The following ZNF33B variants were observed in gnomAD, a reference collection of about 807,000 sequenced individuals.
ZNF33B encodes the protein zinc finger protein 33B.
A neutral mutation model predicts 45.8 loss-of-function variants in ZNF33B; 29 were observed. That is an observed-to-expected ratio of 0.63 (90% CI 0.47 to 0.86). ZNF33B has a LOEUF of 0.86. Ranked by LOEUF, ZNF33B falls within the 40% of genes least tolerant of loss-of-function variation. The pLI is 0.00. For synonymous variants in ZNF33B, 305 were observed against 307.8 expected (o/e 0.99, Z 0.10); for missense variants, 831 against 909.9 (o/e 0.91, Z 1.12).
intron 4 of ZNF33B, among the ~76,000 whole-genome samples, chr10:42,620,310 A>G (rs1310195402): frequency 6.6e-6 from 1 of 152,154 alleles, no homozygotes; most frequent in African/African-American, 2.4e-5. Flanking sequence ...ACAAAATGCA[A>G]TATGGCAGAA....
chr10:42,581,183 C>T (rs1836816918), intron 1 of ZNF33B, among the ~76,000 whole-genome samples: 1 of 151,978 alleles, frequency 6.6e-6, no homozygotes, highest in African/African-American at 2.4e-5. Context: ...ACATCAAATC[C>T]AAGAATGAAA....
rs1837128907 is a variant in ZNF33B, at chr10:42,591,665, T to G, written c.*948A>C. On this transcript the variant is annotated 3_prime_UTR_variant, in exon 5 of 5. Transcript: ENST00000359467. The stretch of plus-strand genomic sequence containing the variant: ...TTGTACATATGTAAGTCCTATGAAC[T>G]TCAGGGATAATTCACAGATGTGCTT... 3 of 330,996 alleles carry G rather than the reference T, an allele frequency of 9.1e-6. No individual in the cohort carries two copies. Among genetic ancestry groups the G allele is most frequent in the Non-Finnish European group, 1.3e-5 (3 of 231,614 alleles). 20.5% of individuals were successfully genotyped at this position (330,996 alleles called of 1,614,324 possible).
intron 4 of ZNF33B, among the ~76,000 whole-genome samples, chr10:42,597,695 G>C (rs1837459662): frequency 6.6e-6 from 1 of 152,006 alleles, no homozygotes; most frequent in Non-Finnish European, 1.5e-5. Flanking sequence ...GACAATATGG[G>C]CTAAATTTCT....
At position 42,591,685 on chromosome 10, in the gene ZNF33B, G is replaced by T; in HGVS notation, c.*928C>A. On this transcript the variant is annotated 3_prime_UTR_variant, in exon 5 of 5. Coordinates refer to ENST00000359467, the MANE Select transcript of ZNF33B (RefSeq NM_006955.3). ...TGAACTTCAGGGATAATTCACAGAT[G>T]TGCTTAATGCTGTTGCCCTGATTAT... The T allele has an allele frequency of 3.5e-6, 1 of 289,330 alleles. No individual in the cohort carries two copies. The highest frequency in any genetic ancestry group is 5.2e-6 in the Non-Finnish European group (1 of 193,502). The allele number at this position is 289,330 out of a possible 1,614,324, so 17.9% of individuals were successfully genotyped here.
rs1837291108 is a variant in ZNF33B, at chr10:42,594,207, T to A, written c.743A>T (p.Asp248Val). 5 of 1,613,616 alleles carry A rather than the reference T, an allele frequency of 3.1e-6. No individual in the cohort carries two copies. The South Asian group carries it at 5.5e-5, about 18-fold the overall frequency. ...KRENAEENNC[D>V]YNEFGRTFCD... ...GAAAGTTCTCCCAAATTCATTATAG[T>A]CACAGTTATTCTCTTCTGCATTCTC... The change falls in exon 5 of 5, where the codon GAC becomes GTC. Residue 248 changes from aspartate (D) to valine (V), a missense_variant. By Grantham distance (152) the Asp-to-Val change is radical. Transcript: ENST00000359467.
intron 1 of ZNF33B, among the ~76,000 whole-genome samples, chr10:42,574,970 T>C (rs902525402): frequency 5.3e-5 from 8 of 152,142 alleles, no homozygotes; most frequent in African/African-American, 1.9e-4. Flanking sequence ...AAACTGTCAG[T>C]TGGTAAGAGA....
chr10:42,603,517 C>A (rs752689912), intron 4 of ZNF33B, among the ~76,000 whole-genome samples: 9 of 152,154 alleles, frequency 5.9e-5, no homozygotes, highest in Non-Finnish European at 1.0e-4. Flanking sequence ...AACACTCATA[C>A]AAATACATAC....
In ZNF33B at chr10:42,594,422, C is replaced by T. The variant is rs1302919995; in HGVS notation, c.528G>A (p.Leu176=). Residue 176 remains leucine (L), a synonymous_variant, in exon 5 of 5, where the codon TTG becomes TTA. Coordinates refer to ENST00000359467, the MANE Select transcript of ZNF33B (RefSeq NM_006955.3). ...KSDEFNACGK[L]LLNIKHDETH... is the part of the protein sequence containing the mutation. ...TTTCATCATGCTTAATATTGAGTAA[C>T]AATTTCCCACATGCATTAAATTCGT... The T allele has an allele frequency of 6.2e-7, 1 of 1,613,420 alleles. No individual in the cohort carries two copies. Among genetic ancestry groups the T allele is most frequent in the African/African-American group, 1.3e-5 (1 of 74,864 alleles).
intron 4 of ZNF33B, among the ~76,000 whole-genome samples, chr10:42,615,428 G>A (rs1475956483): frequency 6.6e-6 from 1 of 152,166 alleles, no homozygotes; most frequent in African/African-American, 2.4e-5. Context: ...CAACATGGAT[G>A]AACCTTGAAT....
intron 4 of ZNF33B, among the ~76,000 whole-genome samples, chr10:42,598,126 T>C (rs1837474949): frequency 1.3e-5 from 2 of 151,086 alleles, no homozygotes; most frequent in Non-Finnish European, 3.0e-5. Context: ...GCAGCAGTTC[T>C]TAACACCAGA....
At chr10:42,584,782 A>T (rs1836897663), downstream of ZNF33B, among the ~76,000 whole-genome samples, 1 of 152,084 alleles carries the variant, frequency 6.6e-6, no homozygotes. Flanking sequence ...TGGCCTCCCA[A>T]AGTGCTGGGA....
intron 4 of ZNF33B, among the ~76,000 whole-genome samples, chr10:42,600,162 T>A (rs1837559758): frequency 6.6e-6 from 1 of 152,140 alleles, no homozygotes; most frequent in Non-Finnish European, 1.5e-5. Context: ...GAATGTATAT[T>A]CCACTGTTTT....
chr10:42,613,985 AC>A (rs1838206995), intron 4 of ZNF33B, among the ~76,000 whole-genome samples: 1 of 152,346 alleles, frequency 6.6e-6, no homozygotes, highest in African/African-American at 2.4e-5. Context: ...AACAACAGCA[AC>A]AAAATTCATA....
At chr10:42,606,481 G>A (rs992182449) in intron 4 of ZNF33B, among the ~76,000 whole-genome samples, 7 of 152,000 alleles carry the variant, frequency 4.6e-5, no homozygotes, top group Admixed American at 6.6e-5. Context: ...AAAAAAAATA[G>A]GTACAGATCT....
chr10:42,608,730 AG>A (rs1339017394), intron 4 of ZNF33B, among the ~76,000 whole-genome samples: 1 of 152,140 alleles, frequency 6.6e-6, no homozygotes, highest in African/African-American at 2.4e-5. Context: ...AACACTGGAC[AG>A]GAGCAGCAAT....
Position 42,632,864 on chromosome 10 carries a change from G to A in ZNF33B, c.10-425C>T, listed in dbSNP as rs549165769. 5 of 186,232 alleles carry A rather than the reference G, an allele frequency of 2.7e-5. No homozygotes were observed. The South Asian group carries it at 5.4e-4, about 20-fold the overall frequency. 11.5% of individuals were successfully genotyped at this position (186,232 alleles called of 1,614,324 possible). ...ACTCTATTACGTCCTTCATAAGCAC[G>A]GGGCCATGATACAAGCAAAGGTGAG... On this transcript the variant is annotated intron_variant, in intron 2 of 4. Transcript: ENST00000359467.
At chr10:42,585,399 T>C (rs1468516326), downstream of ZNF33B, among the ~76,000 whole-genome samples, 1 of 152,198 alleles carries the variant, frequency 6.6e-6, no homozygotes, top group Non-Finnish European at 1.5e-5. Flanking sequence ...CACACTTCAC[T>C]ACCTTTGATG....
intron 2 of ZNF33B, chr10:42,636,682 T>C: frequency 1.8e-6 from 1 of 546,810 alleles, no homozygotes; most frequent in South Asian, 2.3e-5. Context: ...TAGCCAGGCG[T>C]GGCGGCCTGC....
intron 4 of ZNF33B, among the ~76,000 whole-genome samples, chr10:42,601,215 T>C (rs1199584283): frequency 6.6e-6 from 1 of 152,214 alleles, no homozygotes; most frequent in Non-Finnish European, 1.5e-5. Flanking sequence ...CTTTGAGGAC[T>C]TCATTTTAAC....
Sources: allele counts gnomAD v4.1 joint callset (sites outside exome capture counted in the v4.1 genomes callset), GRCh38; gene constraint gnomAD v4.1.1; transcripts MANE v1.5; gene names NCBI Gene and HGNC (gene_info 2026-07-23, HGNC 2026-07-21).